The following PIK3C2G variants were observed in gnomAD, a reference collection of about 807,000 sequenced individuals.
PIK3C2G encodes the protein phosphatidylinositol-4-phosphate 3-kinase catalytic subunit type 2 gamma, also known as phosphatidylinositol 3-kinase C2 domain-containing subunit gamma.
A neutral mutation model predicts 181.1 loss-of-function variants in PIK3C2G; 168 were observed. That is an observed-to-expected ratio of 0.93 (90% CI 0.82 to 1.05). The LOEUF (loss-of-function observed/expected upper bound fraction) is 1.05, where lower values mean the gene tolerates loss of function less well. PIK3C2G is among the 50% of genes least tolerant of loss of function. The probability of loss-of-function intolerance (pLI) is 0.00; values close to 1 mark genes in which losing one functional copy is unlikely to be tolerated. For missense variants in PIK3C2G, 1,869 were observed against 1,732.8 expected (o/e 1.08, Z -1.40); for synonymous variants, 573 against 592.2 (o/e 0.97, Z 0.47).
intron 1 of PIK3C2G, among the ~76,000 whole-genome samples, chr12:18,281,795 G>A (rs772792220): frequency 6.6e-6 from 1 of 151,912 alleles, no homozygotes; most frequent in Non-Finnish European, 1.5e-5. Context: ...TATCACAGGA[G>A]TTTTGTCAGT....
downstream of PIK3C2G, among the ~76,000 whole-genome samples, chr12:18,651,341 G>A (rs1370887808): frequency 6.6e-6 from 1 of 152,106 alleles, no homozygotes; most frequent in African/African-American, 2.4e-5. Flanking sequence ...GATGTTGCAA[G>A]CTGCCCTGTC....
rs1222625804 is a variant in PIK3C2G at position 18,571,779 on chromosome 12, GT to G, written c.4011+4729del. On this transcript the variant is annotated intron_variant, in intron 29 of 32. Coordinates refer to ENST00000538779, the MANE Select transcript of PIK3C2G (RefSeq NM_001288772.2). ...ACTCTTATAAGCAACACACAGATGG[GT>G]TTTTTTCTAAATCCAGTAACATAAT... Among the ~76,000 whole-genome samples the G allele has an allele frequency of 6.0e-5, 9 of 150,294 alleles. 1 individual carries two copies. Among genetic ancestry groups the G allele is most frequent in the African/African-American group, 2.0e-4 (8 of 40,120 alleles).
chr12:18,629,965 A>C (rs1377265644), intron 31 of PIK3C2G, among the ~76,000 whole-genome samples: 1 of 152,214 alleles, frequency 6.6e-6, no homozygotes, highest in Non-Finnish European at 1.5e-5. Flanking sequence ...AAGTACTTTC[A>C]AAGAGCTAAA....
intron 29 of PIK3C2G, among the ~76,000 whole-genome samples, chr12:18,573,788 T>C: frequency 6.6e-6 from 1 of 152,206 alleles, no homozygotes; most frequent in East Asian, 1.9e-4. Flanking sequence ...TCTTGTGCTC[T>C]ACTACAGCCA....
chr12:18,350,747 G>A (rs1940143630), intron 11 of PIK3C2G, among the ~76,000 whole-genome samples: 1 of 152,092 alleles, frequency 6.6e-6, no homozygotes, highest in Non-Finnish European at 1.5e-5. Context: ...CAACATAATG[G>A]ACTCTGAATC....
In PIK3C2G at chr12:18,343,373, T is replaced by A; in HGVS notation, c.1429+13T>A. 7.9e-7 allele frequency: 1 copy of A among 1,267,670 alleles called. No individual in the cohort carries two copies. The highest frequency in any genetic ancestry group is 2.5e-5 in the East Asian group (1 of 39,324). 78.5% of individuals were successfully genotyped at this position (1,267,670 alleles called of 1,614,324 possible). ...ACTTCAGCAAAAGGTAAAACATACATGTACTCAAGTATTTTGAAATAAAGA... is the reference window on the plus strand; with the variant it reads ...ACTTCAGCAAAAGGTAAAACATACAAGTACTCAAGTATTTTGAAATAAAGA... On this transcript the variant is annotated intron_variant, in intron 10 of 32. Coordinates refer to ENST00000538779, the MANE Select transcript of PIK3C2G (RefSeq NM_001288772.2).
At chr12:18,318,828 C>G (rs1208012270) in intron 6 of PIK3C2G, among the ~76,000 whole-genome samples, 1 of 149,806 alleles carries the variant, frequency 6.7e-6, no homozygotes, top group South Asian at 2.1e-4. Context: ...GGAGCAGTGG[C>G]TTAGGCCTCT....
chr12:18,322,417 T>C (rs1221886066), intron 7 of PIK3C2G, among the ~76,000 whole-genome samples: 1 of 151,288 alleles, frequency 6.6e-6, no homozygotes, highest in East Asian at 1.9e-4. Context: ...AAAATAATAA[T>C]AAAATAAAAT....
In PIK3C2G at chr12:18,262,533, G is replaced by A. The variant is rs150874009; in HGVS notation, c.-79+956G>A. On this transcript the variant is annotated intron_variant, in intron 1 of 32. Transcript: ENST00000538779. ...CTCCACGCATGTCTATCTGCCATCT[G>A]AACCAGATAAAAAGCAAGTTTGTGA... is the stretch of plus-strand genomic sequence containing the variant. Among the ~76,000 whole-genome samples the A allele has an allele frequency of 2.9e-3, 436 of 149,162 alleles. 3 individuals carry two copies. Among genetic ancestry groups the A allele is most frequent in the Non-Finnish European group, 3.5e-3 (238 of 67,708 alleles).
At chr12:18,689,261 G>A in the PIK3C2G span, among the ~76,000 whole-genome samples, 1 of 151,876 alleles carries the variant, frequency 6.6e-6, no homozygotes, top group Admixed American at 6.6e-5. Flanking sequence ...TCAGCTCGGT[G>A]TACCTCATTC....
At chr12:18,588,057 G>T (rs1408524989) in intron 29 of PIK3C2G, among the ~76,000 whole-genome samples, 1 of 152,072 alleles carries the variant, frequency 6.6e-6, no homozygotes, top group East Asian at 1.9e-4. Flanking sequence ...ATACGCAGAA[G>T]ACTGAAACTG....
intron 5 of PIK3C2G, among the ~76,000 whole-genome samples, chr12:18,298,408 CTT>C (rs71061295): frequency 3.6e-5 from 5 of 138,376 alleles, no homozygotes; most frequent in Admixed American, 7.2e-5. Flanking sequence ...TGTGTTTTTT[CTT>C]TTTTTTTTTT....
At chr12:18,548,546 A>G (rs1161235071) in intron 26 of PIK3C2G, among the ~76,000 whole-genome samples, 1 of 151,962 alleles carries the variant, frequency 6.6e-6, no homozygotes, top group African/African-American at 2.4e-5. Context: ...GATCTTGCCT[A>G]CGGTGACCTA....
At chr12:18,566,067 G>T (rs911108563) in intron 28 of PIK3C2G, among the ~76,000 whole-genome samples, 2 of 152,068 alleles carry the variant, frequency 1.3e-5, no homozygotes, top group African/African-American at 4.8e-5. Flanking sequence ...GTCTGCAAGA[G>T]ACTTAAAAAA....
At chr12:18,366,171 G>A (rs950489038) in intron 12 of PIK3C2G, among the ~76,000 whole-genome samples, 1 of 152,170 alleles carries the variant, frequency 6.6e-6, no homozygotes, top group African/African-American at 2.4e-5. Context: ...ATTTCACTCA[G>A]TGAAAAGATA....
intron 18 of PIK3C2G, among the ~76,000 whole-genome samples, chr12:18,477,980 T>C (rs535780289): frequency 2.8e-4 from 42 of 152,328 alleles, no homozygotes; most frequent in Non-Finnish European, 1.6e-4. Context: ...GGGAATTTTA[T>C]TATTAGTTTG....
chr12:18,688,676 T>C, the PIK3C2G span, among the ~76,000 whole-genome samples: 1 of 151,998 alleles, frequency 6.6e-6, no homozygotes, highest in African/African-American at 2.4e-5. Context: ...TTATTTCATA[T>C]GTATATTAGG....
intron 22 of PIK3C2G, among the ~76,000 whole-genome samples, chr12:18,500,503 C>A (rs190483040): frequency 6.6e-6 from 1 of 152,312 alleles, no homozygotes; most frequent in East Asian, 1.9e-4. Flanking sequence ...CCAGTCCCAT[C>A]GACCACCTAA....
At chr12:18,476,172 A>G (rs1470342355) in intron 18 of PIK3C2G, among the ~76,000 whole-genome samples, 4 of 152,204 alleles carry the variant, frequency 2.6e-5, no homozygotes, top group Non-Finnish European at 4.4e-5. Flanking sequence ...CCAAGCCTGA[A>G]ATCCAAGGAA....
Sources: gnomAD v4.1 joint callset for allele counts (sites outside exome capture counted in the v4.1 genomes callset) on GRCh38, gnomAD v4.1.1 for gene constraint, MANE v1.5 for transcripts, NCBI Gene and HGNC (gene_info 2026-07-23, HGNC 2026-07-21) for gene names.